Variants in PSMD8 observed in about 807,000 individuals in gnomAD.
PSMD8 encodes 26S proteasome non-ATPase regulatory subunit 8.
Under a neutral mutation model 40.0 loss-of-function variants are expected in PSMD8, and 30 were observed. The ratio of observed to expected loss-of-function variants is 0.75; its 90% CI spans 0.56 to 1.02. The LOEUF (loss-of-function observed/expected upper bound fraction) is 1.02. PSMD8 is among the 50% of genes least tolerant of loss of function. PSMD8 has a pLI of 0.00. For missense variants in PSMD8, 461 were observed against 463.9 expected (o/e 0.99, Z 0.06); for synonymous variants, 208 against 192.5 (o/e 1.08, Z -0.67).
chr19:38,381,094 C>A, intron 5 of PSMD8, 95 bp downstream of exon 5: 1 of 1,013,428 alleles, frequency 9.9e-7, no homozygotes, highest in South Asian at 1.7e-5. Flanking sequence ...CATTGGTTGT[C>A]TGGGTAGGCT....
chr19:38,378,507 C>CAA (rs1228248417), intron 3 of PSMD8, among the ~76,000 whole-genome samples: 43 of 71,746 alleles, frequency 6.0e-4, no homozygotes, highest in African/African-American at 2.1e-3. Flanking sequence ...GACTCCGTCT[C>CAA]AAAAAAAAAA....
At chr19:38,380,723 T>TGTGCGCGCGCGTGCGCGC (rs1970633209) in intron 4 of PSMD8, among the ~76,000 whole-genome samples, 176 bp from the exon 5 acceptor site, 3 of 144,006 alleles carry the variant, frequency 2.1e-5, no homozygotes, top group East Asian at 2.2e-4. Flanking sequence ...TGTGTGTGTG[T>TGTGCGCGCGCGTGCGCGC]GTGTGTGCGC....
At chr19:38,383,201 G>T in intron 6 of PSMD8, 52 bp from the exon 7 acceptor site, 2 of 1,609,530 alleles carry the variant, frequency 1.2e-6, no homozygotes, top group Non-Finnish European at 8.5e-7. Flanking sequence ...ATAGGGTGGG[G>T]ATGGAGCCTT....
At chr19:38,382,004 C>T (rs1429908374) in intron 5 of PSMD8, 113 bp from the exon 6 acceptor site, 3 of 702,650 alleles carry the variant, frequency 4.3e-6, no homozygotes, top group Non-Finnish European at 7.3e-6. Flanking sequence ...TTCACATATT[C>T]CTGCCATCAG....
chr19:38,379,254 A>C lies in PSMD8; in HGVS notation c.551A>C (p.Glu184Ala), dbSNP rs986642276. ...YYFDYKEQLP[E>A]SAYMHQLLGL... is the part of the protein sequence containing the mutation. ...CACGTCCACAGGGAGCAGCTCCCCG[A>C]GTCAGCCTATATGCACCAGCTCTTG... The change falls in exon 4 of 7, where the codon GAG (glutamate) becomes GCG (alanine). Residue 184 changes from glutamate to alanine, a missense_variant. Physicochemically the swap from Glu to Ala is moderately radical, Grantham distance 107. Coordinates refer to ENST00000215071, the MANE Select transcript of PSMD8 (RefSeq NM_002812.5). The C allele has an allele frequency of 1.9e-6, 3 of 1,613,586 alleles. No homozygotes were observed. The highest frequency in any genetic ancestry group is 1.3e-5 in the African/African-American group (1 of 74,908).
Position 38,374,818 on chromosome 19 carries a change from G to T in PSMD8, c.217G>T (p.Ala73Ser). 6.4e-7 allele frequency: 1 copy of T among 1,574,060 alleles called. No homozygotes were observed. Among genetic ancestry groups the T allele is most frequent in the Non-Finnish European group, 8.6e-7 (1 of 1,167,028 alleles). The change falls in exon 1 of 7, where the codon GCA becomes TCA. Residue 73 changes from alanine to serine, a missense_variant. Ala to Ser is a moderately conservative substitution (Grantham distance 99). Coordinates refer to ENST00000215071, the MANE Select transcript of PSMD8 (RefSeq NM_002812.5). ...GGCGGCCGCGGCGGTGAACGGGGCG[G>T]CAGGCTTCTCGAGCTCCGGGCCCGC... The part of the protein sequence containing the change: ...KMAAAAVNGA[A>S]GFSSSGPAAT...
intron 6 of PSMD8, 21 bp downstream of exon 6, chr19:38,382,249 G>A: frequency 6.4e-7 from 1 of 1,553,012 alleles, no homozygotes; most frequent in Non-Finnish European, 8.7e-7. Flanking sequence ...TACAGGGCAA[G>A]GGGCCGTGGG....
chr19:38,379,905 G>T (rs573281170), intron 4 of PSMD8, among the ~76,000 whole-genome samples: 1 of 152,360 alleles, frequency 6.6e-6, no homozygotes, highest in South Asian at 2.1e-4. Flanking sequence ...AGGCTGCAGT[G>T]TGCTATGATC....
At chr19:38,382,048 AG>A in intron 5 of PSMD8, 68 bp from the exon 6 acceptor site, 1 of 1,111,018 alleles carries the variant, frequency 9.0e-7, no homozygotes, top group Non-Finnish European at 1.3e-6. Flanking sequence ...GACACATGTC[AG>A]GTCTGGGGGG....
At chr19:38,375,264 G>T in intron 1 of PSMD8, 1 of 396,666 alleles carries the variant, frequency 2.5e-6, no homozygotes, top group Non-Finnish European at 4.6e-6. Flanking sequence ...GCAACATAGC[G>T]AGACTCTGTC....
intron 4 of PSMD8, among the ~76,000 whole-genome samples, chr19:38,380,218 G>A (rs928860582): frequency 6.6e-6 from 1 of 152,168 alleles, no homozygotes; most frequent in Non-Finnish European, 1.5e-5. Context: ...CCCAGGAGGT[G>A]GAGGTTGCAG....
intron 3 of PSMD8, among the ~76,000 whole-genome samples, chr19:38,377,104 A>G (rs1970604219): frequency 6.9e-6 from 1 of 145,820 alleles, no homozygotes; most frequent in African/African-American, 2.4e-5. Context: ...GCTTTGAAAC[A>G]TCCAGCCGCT....
intron 6 of PSMD8, 97 bp downstream of exon 6, chr19:38,382,325 C>T (rs1970647702): frequency 1.0e-6 from 1 of 960,916 alleles, no homozygotes; most frequent in African/African-American, 1.6e-5. Context: ...CAAGACTGCC[C>T]AGGTTTAAGT....
intron 4 of PSMD8, among the ~76,000 whole-genome samples, chr19:38,379,868 G>A (rs1970625375): frequency 6.6e-6 from 1 of 152,262 alleles, no homozygotes; most frequent in Non-Finnish European, 1.5e-5. Context: ...GGCTGAGGCA[G>A]GAGGACTGCT....
At position 38,376,144 on chromosome 19, in the gene PSMD8, C is replaced by T. The variant is rs759365687; in HGVS notation, c.361-16C>T. ...TTCCCTTCTTTTCTTTCTTCCCTCC[C>T]TCCCCTCCCCATCAGCTAGTTCTTC... On this transcript the variant is annotated splice_polypyrimidine_tract_variant and intron_variant, in intron 1 of 6. Coordinates refer to ENST00000215071, the MANE Select transcript of PSMD8 (RefSeq NM_002812.5). 3.1e-5 allele frequency: 49 copies of T among 1,583,738 alleles called. 1 individual carries two copies. The highest frequency in any genetic ancestry group is 3.3e-4 in the Middle Eastern group (2 of 6,016).
rs1970600410 is a variant in PSMD8, at chr19:38,376,602, C to T, written c.536+148C>T. 25 of 723,644 alleles carry T rather than the reference C, an allele frequency of 3.5e-5. No homozygotes were observed. In the South Asian group the frequency reaches 4.3e-4, roughly 13 times the overall value. 44.8% of individuals were successfully genotyped at this position (723,644 alleles called of 1,614,324 possible). On this transcript the variant is annotated intron_variant, in intron 3 of 6. Coordinates refer to ENST00000215071, the MANE Select transcript of PSMD8 (RefSeq NM_002812.5). Reference sequence around the variant, plus strand: ...TCAGTGGTGCAGGGTCAGGGCTTGGCTTGGAGGTCCTGAGACTTGGCTTGA... The same window carrying T: ...TCAGTGGTGCAGGGTCAGGGCTTGGTTTGGAGGTCCTGAGACTTGGCTTGA...
At chr19:38,380,657 T>C (rs1970631479) in intron 4 of PSMD8, among the ~76,000 whole-genome samples, 1 of 94,600 alleles carries the variant, frequency 1.1e-5, no homozygotes, top group African/African-American at 4.0e-5. Flanking sequence ...CAGAGCAGGC[T>C]TGGGGGGAGG....
rs905350579 is a variant in PSMD8 at position 38,382,406 on chromosome 19, A to G, written c.915+178A>G. 3 of 636,804 alleles carry G rather than the reference A, an allele frequency of 4.7e-6. No homozygotes were observed. The South Asian group carries it at 5.4e-5, about 11-fold the overall frequency. The allele number at this position is 636,804 out of a possible 1,614,324, so 39.4% of individuals were successfully genotyped here. On this transcript the variant is annotated intron_variant, in intron 6 of 6. Transcript: ENST00000215071. The stretch of plus-strand genomic sequence containing the variant: ...GTTTCTCTATCCACAGAATGGGGCT[A>G]GATACATGGGATGAGCTTAGTACCT...
intron 1 of PSMD8, among the ~76,000 whole-genome samples, 164 bp from the exon 2 acceptor site, chr19:38,375,996 G>T (rs1214810613): frequency 2.0e-5 from 3 of 152,190 alleles, no homozygotes; most frequent in Non-Finnish European, 4.4e-5. Context: ...CATGTGTTGC[G>T]TGCTCAGGCC....
Sources: gnomAD v4.1 joint callset for allele counts (sites outside exome capture counted in the v4.1 genomes callset) on GRCh38, gnomAD v4.1.1 for gene constraint, MANE v1.5 for transcripts, NCBI Gene and HGNC (gene_info 2026-07-23, HGNC 2026-07-21) for gene names.